RACGAP1: variants seen among roughly 807,000 people sequenced by gnomAD.
RACGAP1 encodes Rac GTPase activating protein 1, also known as rac GTPase-activating protein 1.
Under a neutral mutation model 78.1 loss-of-function variants are expected in RACGAP1, and 30 were observed. The observed-to-expected ratio is 0.38, with a 90% CI of 0.29 to 0.52. RACGAP1 has a LOEUF of 0.52. RACGAP1 is among the 20% of genes least tolerant of loss of function. The pLI, the probability that RACGAP1 is intolerant of heterozygous loss-of-function variation, is 0.82. For missense variants in RACGAP1, 587 were observed against 777.1 expected (o/e 0.76, Z 2.91); for synonymous variants, 231 against 264.8 (o/e 0.87, Z 1.24).
Position 49,991,983 on chromosome 12 carries a change from C to T in RACGAP1, c.1714+15G>A, listed in dbSNP as rs1352188428. On this transcript the variant is annotated intron_variant, in intron 15 of 16. Transcript: ENST00000312377. Reference sequence around the variant, plus strand: ...AGAGAGTCAAGTCCCTGAAGAAGCACATCTTGGGCCTTACCTTTAATATCT... The same window carrying T: ...AGAGAGTCAAGTCCCTGAAGAAGCATATCTTGGGCCTTACCTTTAATATCT... The T allele has an allele frequency of 3.1e-6, 5 of 1,612,776 alleles. No homozygotes were observed. The highest frequency in any genetic ancestry group is 4.2e-6 in the Non-Finnish European group (5 of 1,179,772).
chr12:49,992,397 A>G lies in RACGAP1; in HGVS notation c.1446-20T>C. The G allele has an allele frequency of 6.2e-7, 1 of 1,611,264 alleles. No homozygotes were observed. Among genetic ancestry groups the G allele is most frequent in the Non-Finnish European group, 8.5e-7 (1 of 1,177,712 alleles). The stretch of plus-strand genomic sequence containing the variant: ...GCCACTCTAAGCAAAAGAATATTAA[A>G]TTAGAAGTCTTGCTCCTTGCTTAAA... On this transcript the variant is annotated intron_variant, in intron 13 of 16. Transcript: ENST00000312377.
At chr12:50,017,401 T>C (rs1949740266) in intron 1 of RACGAP1, among the ~76,000 whole-genome samples, 1 of 152,230 alleles carries the variant, frequency 6.6e-6, no homozygotes, top group Admixed American at 6.5e-5. Flanking sequence ...TACAGCACCT[T>C]CACAGTTCGA....
At chr12:50,013,375 C>G (rs1949471796) in intron 2 of RACGAP1, among the ~76,000 whole-genome samples, 1 of 152,124 alleles carries the variant, frequency 6.6e-6, no homozygotes, top group East Asian at 1.9e-4. Context: ...AGGTAAAAGC[C>G]AGCACTAGTT....
intron 5 of RACGAP1, 88 bp downstream of exon 5, chr12:50,004,147 G>A: frequency 6.7e-7 from 1 of 1,484,876 alleles, no homozygotes; most frequent in African/African-American, 1.4e-5. Flanking sequence ...AGTAATATAG[G>A]ATGTTCAGAA....
intron 2 of RACGAP1, among the ~76,000 whole-genome samples, chr12:50,015,173 C>T (rs1336132833): frequency 6.6e-5 from 10 of 151,970 alleles, no homozygotes; most frequent in Non-Finnish European, 1.5e-4. Context: ...AGCCACTATG[C>T]CCGACCGCTA....
At chr12:50,011,346 A>G (rs1037442921) in intron 2 of RACGAP1, among the ~76,000 whole-genome samples, 23 of 151,858 alleles carry the variant, frequency 1.5e-4, no homozygotes, top group South Asian at 8.3e-4. Context: ...AAAAAAAAAA[A>G]AAAAGAAAAA....
intron 2 of RACGAP1, among the ~76,000 whole-genome samples, chr12:50,015,208 T>C (rs1949591540): frequency 6.6e-6 from 1 of 152,040 alleles, no homozygotes; most frequent in Non-Finnish European, 1.5e-5. Flanking sequence ...AGTCTTGCTA[T>C]GTTGCCCAAG....
intron 4 of RACGAP1, among the ~76,000 whole-genome samples, chr12:50,004,580 T>C (rs1948864407): frequency 6.6e-6 from 1 of 152,336 alleles, no homozygotes; most frequent in South Asian, 2.1e-4. Context: ...ATGGGTGCTA[T>C]TCTCTACCGA....
chr12:50,020,879 A>G (rs1248187166), intron 1 of RACGAP1, among the ~76,000 whole-genome samples: 1 of 152,236 alleles, frequency 6.6e-6, no homozygotes, highest in African/African-American at 2.4e-5. Flanking sequence ...GGGTAATCCA[A>G]AAATGGCACT....
upstream of RACGAP1, among the ~76,000 whole-genome samples, chr12:50,027,546 G>C (rs141922260): frequency 4.3e-4 from 66 of 152,286 alleles, no homozygotes; most frequent in African/African-American, 1.6e-3. Flanking sequence ...AAATACACAA[G>C]GCCAGGCACA....
chr12:50,007,547 C>G (rs1224520381), intron 2 of RACGAP1, among the ~76,000 whole-genome samples: 1 of 152,190 alleles, frequency 6.6e-6, no homozygotes, highest in African/African-American at 2.4e-5. Context: ...TCAAACTAAC[C>G]CAGTTAAAAC....
chr12:50,021,515 C>A (rs569553792), intron 1 of RACGAP1, among the ~76,000 whole-genome samples: 12 of 152,282 alleles, frequency 7.9e-5, no homozygotes, highest in African/African-American at 2.6e-4. Flanking sequence ...AATCACCCAG[C>A]CAAGAGGTAG....
intron 2 of RACGAP1, among the ~76,000 whole-genome samples, chr12:50,010,360 G>A (rs1415980505): frequency 6.9e-6 from 1 of 144,126 alleles, no homozygotes; most frequent in Admixed American, 7.0e-5. Flanking sequence ...GTCTCACTCT[G>A]TTGCCCAGGC....
At chr12:49,999,071 A>C in intron 9 of RACGAP1, 70 bp downstream of exon 9, 1 of 1,480,818 alleles carries the variant, frequency 6.8e-7, no homozygotes, top group Non-Finnish European at 9.0e-7. Flanking sequence ...TAAAGTATTT[A>C]ACTTTATTCC....
chr12:50,016,814 C>G (rs1949710132), intron 1 of RACGAP1, 95 bp from the exon 2 acceptor site: 1 of 1,427,964 alleles, frequency 7.0e-7, no homozygotes, highest in East Asian at 2.3e-5. Flanking sequence ...AACATCTGGA[C>G]TCTTCCATTT....
chr12:50,001,419 A>C (rs547623491), intron 6 of RACGAP1, among the ~76,000 whole-genome samples, 167 bp from the exon 7 acceptor site: 1 of 152,332 alleles, frequency 6.6e-6, no homozygotes, highest in East Asian at 1.9e-4. Flanking sequence ...TTCCACATGA[A>C]GAATAAGCTG....
chr12:50,000,021 T>G (rs1195792414), intron 7 of RACGAP1, among the ~76,000 whole-genome samples: 6 of 131,084 alleles, frequency 4.6e-5, no homozygotes, highest in Non-Finnish European at 8.4e-5. Context: ...CTGACTGATT[T>G]TTTTTTTTTT....
chr12:50,011,917 G>A (rs1293784635), intron 2 of RACGAP1, among the ~76,000 whole-genome samples: 1 of 135,244 alleles, frequency 7.4e-6, no homozygotes, highest in African/African-American at 2.9e-5. Context: ...TCGTGCCACT[G>A]TACTCCAGCC....
chr12:50,022,696 A>C (rs545970245), intron 1 of RACGAP1, among the ~76,000 whole-genome samples: 3 of 152,316 alleles, frequency 2.0e-5, no homozygotes, highest in East Asian at 3.9e-4. Context: ...TTACACTCTT[A>C]TTTCATGGTG....
Sources: allele counts gnomAD v4.1 joint callset (sites outside exome capture counted in the v4.1 genomes callset), GRCh38; gene constraint gnomAD v4.1.1; transcripts MANE v1.5; gene names NCBI Gene and HGNC (gene_info 2026-07-23, HGNC 2026-07-21).